Variants in TMPRSS4 observed in about 807,000 individuals in gnomAD.
TMPRSS4 encodes transmembrane serine protease 4.
Under a neutral mutation model 56.4 loss-of-function variants are expected in TMPRSS4, and 45 were observed. The ratio of observed to expected loss-of-function variants is 0.80; its 90% CI spans 0.63 to 1.02. The LOEUF (loss-of-function observed/expected upper bound fraction) is 1.02, where lower values mean the gene tolerates loss of function less well. TMPRSS4 is among the 50% of genes least tolerant of loss of function. TMPRSS4 has a pLI of 0.00. For synonymous variants in TMPRSS4, 205 were observed against 211.0 expected (o/e 0.97, Z 0.25); for missense variants, 546 against 556.7 (o/e 0.98, Z 0.19).
At chr11:118,082,257 A>G (rs1391648474) in intron 1 of TMPRSS4, among the ~76,000 whole-genome samples, 2 of 152,166 alleles carry the variant, frequency 1.3e-5, no homozygotes, top group Non-Finnish European at 2.9e-5. Flanking sequence ...TCCTCATTCT[A>G]CAGATGAAGA....
intron 1 of TMPRSS4, among the ~76,000 whole-genome samples, chr11:118,089,974 A>T (rs1945831836): frequency 6.6e-6 from 1 of 152,206 alleles, no homozygotes; most frequent in East Asian, 1.9e-4. Context: ...CCTTCTGAGT[A>T]GCTGGGATTA....
At chr11:118,099,481 A>AAGAAAAAG (rs141362371) in intron 3 of TMPRSS4, among the ~76,000 whole-genome samples, 1 of 141,812 alleles carries the variant, frequency 7.1e-6, no homozygotes, top group African/African-American at 2.7e-5. Flanking sequence ...GAAAGAAAGA[A>AAGAAAAAG]AAAGAAAGAA....
downstream of TMPRSS4, among the ~76,000 whole-genome samples, chr11:118,123,357 G>T: frequency 6.6e-6 from 1 of 152,102 alleles, no homozygotes; most frequent in East Asian, 1.9e-4. Flanking sequence ...AAATCTTTTA[G>T]ATCTAATTTC....
chr11:118,081,751 G>GCATTCATTCATTCATT (rs112018141), intron 1 of TMPRSS4, among the ~76,000 whole-genome samples: 454 of 152,140 alleles, frequency 3.0e-3, no homozygotes, highest in South Asian at 6.2e-3. Flanking sequence ...AAATCTGTAT[G>GCATTCATTCATTCATT]CATTCATTCA....
Position 118,108,859 on chromosome 11 carries a change from C to T in TMPRSS4, c.546C>T (p.Pro182=). 2 of 1,614,104 alleles carry T rather than the reference C, an allele frequency of 1.2e-6. No homozygotes were observed. The highest frequency in any genetic ancestry group is 1.7e-6 in the Non-Finnish European group (2 of 1,179,990). ...QELRMRNSSG[P]CLSGSLVSLH... Reference sequence around the variant, plus strand: ...GGGCGCTGTGTCTGTCTTCCAGGCCCTGTCTCTCAGGCTCCCTGGTCTCCC... The same window carrying T: ...GGGCGCTGTGTCTGTCTTCCAGGCCTTGTCTCTCAGGCTCCCTGGTCTCCC... Residue 182 remains proline, a synonymous_variant, in exon 7 of 13, where the codon CCC becomes CCT. Transcript: ENST00000437212.
downstream of TMPRSS4, chr11:118,125,253 A>T (rs866282433): frequency 4.4e-6 from 2 of 456,596 alleles, no homozygotes; most frequent in African/African-American, 2.0e-5. Flanking sequence ...GATGGGAGAC[A>T]GGAAGGAGCC....
downstream of TMPRSS4, among the ~76,000 whole-genome samples, chr11:118,123,578 A>T (rs1318671321): frequency 6.6e-6 from 1 of 152,100 alleles, no homozygotes; most frequent in Non-Finnish European, 1.5e-5. Flanking sequence ...AGTGCAGTGC[A>T]GTGGCACCAT....
chr11:118,103,924 C>T (rs2155856), intron 4 of TMPRSS4, among the ~76,000 whole-genome samples: 1 of 152,104 alleles, frequency 6.6e-6, no homozygotes, highest in Non-Finnish European at 1.5e-5. Context: ...AAAGAGACTT[C>T]TCAGCCACTT....
intron 7 of TMPRSS4, among the ~76,000 whole-genome samples, chr11:118,110,345 T>TC (rs1491511427): frequency 2.3e-4 from 5 of 21,346 alleles, no homozygotes; most frequent in African/African-American, 1.9e-3. Context: ...AGATTCTCTC[T>TC]TTTTTTTTTT....
At position 118,118,520 on chromosome 11, in the gene TMPRSS4, TG is replaced by T; in HGVS notation, c.*611del. Reference sequence around the variant, plus strand: ...ATGATTGAACTTTCATTCTTTGGCTTGGGGAGAAAAGAAGTCCTGGGGAAGC... The same window carrying T: ...ATGATTGAACTTTCATTCTTTGGCTTGGGAGAAAAGAAGTCCTGGGGAAGC... On this transcript the variant is annotated 3_prime_UTR_variant, in exon 13 of 13. Transcript: ENST00000437212. 3.0e-6 allele frequency: 3 copies of T among 985,524 alleles called. No individual in the cohort carries two copies. Among genetic ancestry groups the T allele is most frequent in the Non-Finnish European group, 3.6e-6 (3 of 830,056 alleles). The allele number at this position is 985,524 out of a possible 1,614,324, so 61.0% of individuals were successfully genotyped here. A position where few individuals can be genotyped will look rare whatever the true frequency, so the allele number is the denominator to read the frequency against.
intron 5 of TMPRSS4, 74 bp from the exon 6 acceptor site, chr11:118,107,700 G>A: frequency 7.8e-7 from 1 of 1,284,908 alleles, no homozygotes; most frequent in Non-Finnish European, 1.1e-6. Flanking sequence ...TCCTGAAAGT[G>A]GGGGCCAACT....
rs1029505152 is a variant in TMPRSS4 at position 118,120,224 on chromosome 11, A to C, written c.*2311A>C. 1 of 152,224 alleles carries C rather than the reference A, an allele frequency of 6.6e-6. No individual in the cohort carries two copies. The highest frequency in any genetic ancestry group is 6.5e-5 in the Admixed American group (1 of 15,286). The allele number at this position is 152,224 out of a possible 1,614,324, so 9.4% of individuals were successfully genotyped here. On this transcript the variant is annotated 3_prime_UTR_variant, in exon 13 of 13. Transcript: ENST00000437212. Reference sequence around the variant, plus strand: ...ATAATATTCTATTGTTTATACGAACATTCAGGTTACTTCTATCTTTTGGCT... The same window carrying C: ...ATAATATTCTATTGTTTATACGAACCTTCAGGTTACTTCTATCTTTTGGCT...
intron 2 of TMPRSS4, 55 bp downstream of exon 2, chr11:118,094,910 C>A: frequency 1.3e-6 from 2 of 1,589,662 alleles, no homozygotes; most frequent in East Asian, 2.3e-5. Context: ...TTTCAGCTAC[C>A]AAGTAGATCC....
chr11:118,101,948 C>A (rs1946740510), intron 3 of TMPRSS4, among the ~76,000 whole-genome samples: 2 of 152,112 alleles, frequency 1.3e-5, no homozygotes, highest in South Asian at 2.1e-4. Flanking sequence ...AGATCTTTCT[C>A]TTTTTTTCTT....
At chr11:118,087,947 C>T (rs1945685014) in intron 1 of TMPRSS4, among the ~76,000 whole-genome samples, 1 of 152,218 alleles carries the variant, frequency 6.6e-6, no homozygotes, top group African/African-American at 2.4e-5. Flanking sequence ...TGACCGCATT[C>T]ATGGATGATA....
intron 11 of TMPRSS4, chr11:118,115,561 T>G (rs540990914): frequency 1.6e-4 from 57 of 352,118 alleles, no homozygotes; most frequent in African/African-American, 9.8e-4. Flanking sequence ...GGCTCACGCT[T>G]GTAATCCCAG....
chr11:118,083,127 G>T (rs1006045600), intron 1 of TMPRSS4, among the ~76,000 whole-genome samples: 2 of 152,062 alleles, frequency 1.3e-5, no homozygotes. Flanking sequence ...CCTGGCCCTC[G>T]TCTGCCACAG....
At chr11:118,082,810 T>A (rs1213939918) in intron 1 of TMPRSS4, among the ~76,000 whole-genome samples, 1 of 152,190 alleles carries the variant, frequency 6.6e-6, no homozygotes, top group Non-Finnish European at 1.5e-5. Context: ...ACTAATCCTA[T>A]CTGTGGGAGG....
At chr11:118,106,876 AGAGCCAGGGAC>A (rs1220892513) in intron 5 of TMPRSS4, 2 of 152,242 alleles carry the variant, frequency 1.3e-5, no homozygotes, top group Admixed American at 1.3e-4. Flanking sequence ...AACTAGTGCC[AGAGCCAGGGAC>A]AGAACCTAGA....
Sources: allele counts gnomAD v4.1 joint callset (sites outside exome capture counted in the v4.1 genomes callset), GRCh38; gene constraint gnomAD v4.1.1; transcripts MANE v1.5; gene names NCBI Gene and HGNC (gene_info 2026-07-23, HGNC 2026-07-21).